Variants in NCAM1 observed in about 807,000 individuals in gnomAD.
The protein encoded by NCAM1 is antigen recognized by monoclonal antibody 5.1H11.
Under a neutral mutation model 109.8 loss-of-function variants are expected in NCAM1, and 14 were observed. The observed-to-expected ratio is 0.13, with a 90% CI of 0.08 to 0.20. The LOEUF (loss-of-function observed/expected upper bound fraction) is 0.20. NCAM1 is among the 10% of genes least tolerant of loss of function. NCAM1 has a pLI of 1.00. For missense variants in NCAM1, 774 were observed against 1,109.9 expected (o/e 0.70, Z 4.30); for synonymous variants, 418 against 442.9 (o/e 0.94, Z 0.70).
rs1555126854 is a variant in NCAM1, at chr11:113,277,621, C to T, written c.*2234C>T. 5.1e-6 allele frequency: 2 copies of T among 393,406 alleles called. No homozygotes were observed. The highest frequency in any genetic ancestry group is 3.6e-5 in the East Asian group (1 of 27,822). The allele number at this position is 393,406 out of a possible 1,614,324, so 24.4% of individuals were successfully genotyped here. ...TGGCTTTGCCACACCAGGCCAAGCCCATGCCATACCTTGTCAAGACTGTCA... is the reference window on the plus strand; with the variant it reads ...TGGCTTTGCCACACCAGGCCAAGCCTATGCCATACCTTGTCAAGACTGTCA... On this transcript the variant is annotated 3_prime_UTR_variant, in exon 20 of 20. Transcript: ENST00000316851.
At chr11:113,058,380 T>A (rs1555082938) in intron 1 of NCAM1, among the ~76,000 whole-genome samples, 1 of 152,184 alleles carries the variant, frequency 6.6e-6, no homozygotes, top group East Asian at 1.9e-4. Flanking sequence ...AGAAGGAATG[T>A]CAGGGAGCCC....
At chr11:113,207,450 A>T in intron 6 of NCAM1, 72 bp downstream of exon 6, 2 of 1,245,570 alleles carry the variant, frequency 1.6e-6, no homozygotes, top group Non-Finnish European at 2.3e-6. Flanking sequence ...GCTCCATGTT[A>T]GTGTCTGCGT....
chr11:113,198,454 C>T (rs1379711875), intron 1 of NCAM1, among the ~76,000 whole-genome samples: 1 of 151,896 alleles, frequency 6.6e-6, no homozygotes, highest in Non-Finnish European at 1.5e-5. Flanking sequence ...TCACTGCAAC[C>T]TCCACCTCCC....
chr11:113,078,549 C>T (rs577111390), intron 1 of NCAM1, among the ~76,000 whole-genome samples: 10 of 152,134 alleles, frequency 6.6e-5, no homozygotes, highest in Admixed American at 3.9e-4. Flanking sequence ...ATAGCTGTTT[C>T]GATTGCCATG....
chr11:112,963,952 A>G lies in NCAM1; in HGVS notation c.52+2288A>G, dbSNP rs1950647460. On this transcript the variant is annotated intron_variant, in intron 1 of 19. Coordinates refer to ENST00000316851, the MANE Select transcript of NCAM1 (RefSeq NM_181351.5). This position sits in a 1 kb window ranked among gnomAD's most constrained non-coding sequence, Gnocchi z 4.6. ...AGAAGGCAGAACGTGAAACACATAC[A>G]AGGTTGCTTAACAAAAGAAAGAAGT... Among the ~76,000 whole-genome samples the G allele has an allele frequency of 6.6e-6, 1 of 152,150 alleles. No homozygotes were observed. Among genetic ancestry groups the G allele is most frequent in the East Asian group, 1.9e-4 (1 of 5,176 alleles).
intron 1 of NCAM1, 75 bp downstream of exon 1, chr11:112,961,739 A>C: frequency 1.0e-6 from 1 of 979,222 alleles, no homozygotes; most frequent in Non-Finnish European, 1.6e-6. Context: ...GAGGAACGCT[A>C]TTATTTTGGG....
intron 17 of NCAM1, among the ~76,000 whole-genome samples, chr11:113,268,781 T>C (rs1946198850): frequency 6.6e-6 from 1 of 152,140 alleles, no homozygotes; most frequent in Non-Finnish European, 1.5e-5. Flanking sequence ...CTATCTGGCA[T>C]GTTACATGGC....
At chr11:113,016,365 T>G (rs10750020) in intron 1 of NCAM1, among the ~76,000 whole-genome samples, 144,829 of 152,176 alleles carry the variant, frequency 0.95, 69,335 homozygotes, top group East Asian at 1. Context: ...TTTTGAATTT[T>G]GGTCTCTGCC....
intron 15 of NCAM1, among the ~76,000 whole-genome samples, chr11:113,250,042 C>A (rs183057895): frequency 6.6e-6 from 1 of 152,176 alleles, no homozygotes; most frequent in African/African-American, 2.4e-5. Flanking sequence ...GAGCTAGGAA[C>A]TAGGATGGCA....
intron 1 of NCAM1, among the ~76,000 whole-genome samples, chr11:113,135,638 T>C (rs576399611): frequency 1.1e-4 from 17 of 152,296 alleles, no homozygotes; most frequent in Non-Finnish European, 2.5e-4. Flanking sequence ...TGCTTACCAG[T>C]GCTTTTGTGT....
At chr11:113,250,658 A>G (rs1419194419) in intron 15 of NCAM1, among the ~76,000 whole-genome samples, 3 of 152,254 alleles carry the variant, frequency 2.0e-5, no homozygotes, top group Non-Finnish European at 4.4e-5. Context: ...AGACAGTCTT[A>G]TTTGATAGGA....
intron 14 of NCAM1, among the ~76,000 whole-genome samples, chr11:113,237,909 T>TATATAGATATATAG (rs1422673535): frequency 1.2e-4 from 2 of 16,132 alleles, no homozygotes; most frequent in African/African-American, 2.5e-4. Flanking sequence ...TATATAGATA[T>TATATAGATATATAG]ATATAGATAT....
At chr11:113,041,353 T>C (rs1326719456) in intron 1 of NCAM1, 5 of 152,234 alleles carry the variant, frequency 3.3e-5, no homozygotes, top group Non-Finnish European at 7.3e-5. Flanking sequence ...CTTTGTGTTA[T>C]AGCCTTGGGT....
chr11:113,231,570 C>T (rs1945006871), intron 9 of NCAM1, 75 bp from the exon 10 acceptor site: 2 of 1,441,930 alleles, frequency 1.4e-6, no homozygotes, highest in Admixed American at 1.9e-5. Context: ...TCCCAGCCCC[C>T]ATCCTGCCAT....
intron 1 of NCAM1, among the ~76,000 whole-genome samples, chr11:113,023,809 C>T (rs1300467535): frequency 4.6e-5 from 7 of 151,668 alleles, no homozygotes; most frequent in Non-Finnish European, 7.4e-5. Flanking sequence ...ATAGCCTTGC[C>T]GAAAACCTGA....
intron 1 of NCAM1, among the ~76,000 whole-genome samples, chr11:113,097,071 C>T (rs781855327): frequency 9.2e-5 from 14 of 152,146 alleles, no homozygotes; most frequent in East Asian, 1.9e-4. Context: ...TCTTGCAAGA[C>T]GGCAGACTTC....
At chr11:113,069,482 C>T (rs1381982873) in intron 1 of NCAM1, among the ~76,000 whole-genome samples, 2 of 152,062 alleles carry the variant, frequency 1.3e-5, no homozygotes, top group African/African-American at 2.4e-5. Context: ...AAGGCAGATA[C>T]CTGGAAGCAG....
At chr11:113,238,973 T>C (rs1555118759) in intron 14 of NCAM1, among the ~76,000 whole-genome samples, 1 of 152,224 alleles carries the variant, frequency 6.6e-6, no homozygotes, top group Non-Finnish European at 1.5e-5. Context: ...TTGAAGTTCG[T>C]TGAGATGTCT....
chr11:113,133,896 C>T (rs1393357291), intron 1 of NCAM1: 1 of 151,980 alleles, frequency 6.6e-6, no homozygotes, highest in South Asian at 2.1e-4. Context: ...CATTTAGGTT[C>T]TTTGCCAAAT....
Sources: allele counts gnomAD v4.1 joint callset (sites outside exome capture counted in the v4.1 genomes callset), GRCh38; gene constraint gnomAD v4.1.1; non-coding constraint Gnocchi (gnomAD v3.1); transcripts MANE v1.5; gene names NCBI Gene and HGNC (gene_info 2026-07-23, HGNC 2026-07-21).